RRM2: variants seen among roughly 807,000 people sequenced by gnomAD.
RRM2 encodes ribonucleoside-diphosphate reductase subunit M2.
RRM2 carries 6 observed loss-of-function variants against 45.9 expected under a neutral mutation model. The ratio of observed to expected loss-of-function variants is 0.13; its 90% CI spans 0.07 to 0.26. RRM2 has a LOEUF of 0.26. Ranked by LOEUF, RRM2 falls within the 10% of genes least tolerant of loss-of-function variation. The probability of loss-of-function intolerance (pLI) is 1.00; values close to 1 mark genes in which losing one functional copy is unlikely to be tolerated. For synonymous variants in RRM2, 177 were observed against 173.0 expected (o/e 1.02, Z -0.18); for missense variants, 343 against 489.5 (o/e 0.70, Z 2.82).
rs757156856 is a variant in RRM2 at position 10,127,517 on chromosome 2, C to T, written c.798+297C>T. Reference sequence around the variant, plus strand: ...GTGACGGAATCTTGCTCTGTCGTTCCAGGCTGGAGTGCAATGGCGTGATCT... The same window carrying T: ...GTGACGGAATCTTGCTCTGTCGTTCTAGGCTGGAGTGCAATGGCGTGATCT... On this transcript the variant is annotated intron_variant, in intron 7 of 9. Transcript: ENST00000304567. The surrounding 1 kb of genome is among the most constrained non-coding windows in gnomAD (Gnocchi z 4.1). Among the ~76,000 whole-genome samples the T allele has an allele frequency of 2.1e-4, 32 of 152,188 alleles. No homozygotes were observed. The highest frequency in any genetic ancestry group is 4.6e-4 in the Non-Finnish European group (31 of 68,044).
intron 3 of RRM2, among the ~76,000 whole-genome samples, chr2:10,188,623 T>C (rs996369915): frequency 6.6e-6 from 1 of 151,986 alleles, no homozygotes; most frequent in Non-Finnish European, 1.5e-5. Context: ...TCCTTGGGCC[T>C]CTCAGCTCCT....
chr2:10,208,771 C>T (rs777196859), intron 3 of RRM2, among the ~76,000 whole-genome samples: 1 of 152,196 alleles, frequency 6.6e-6, no homozygotes, highest in South Asian at 2.1e-4. Context: ...CCAGCCATGG[C>T]CCCTCCTGAT....
Position 10,171,476 on chromosome 2 carries a change from G to A in RRM2, n.482+29101G>A, listed in dbSNP as rs1663804810. Among the ~76,000 whole-genome samples, 1 of 152,338 alleles carries A rather than the reference G, an allele frequency of 6.6e-6. No homozygotes were observed. Among genetic ancestry groups the A allele is most frequent in the South Asian group, 2.1e-4 (1 of 4,826 alleles). On this transcript the variant is annotated intron_variant and non_coding_transcript_variant, in intron 3 of 3. Transcript: ENST00000381786. This position sits in a 1 kb window ranked among gnomAD's most constrained non-coding sequence, Gnocchi z 4.1. ...CTTCATGTCAGCTGGTGACATTTCT[G>A]CAATTGTTCCTAAAGAGGGGCCTGT...
chr2:10,125,565 G>A (rs1662760933), intron 5 of RRM2, among the ~76,000 whole-genome samples: 1 of 152,198 alleles, frequency 6.6e-6, no homozygotes, highest in Non-Finnish European at 1.5e-5. Flanking sequence ...GTGGTGGCGG[G>A]CGCCTGTAGT....
At chr2:10,187,678 G>A (rs1332285505) in intron 3 of RRM2, among the ~76,000 whole-genome samples, 1 of 152,178 alleles carries the variant, frequency 6.6e-6, no homozygotes, top group Admixed American at 6.5e-5. Flanking sequence ...GTAAAACAGG[G>A]ATTGTGGTGC....
In RRM2 at chr2:10,171,112, A is replaced by G. The variant is rs537951975; in HGVS notation, n.482+28737A>G. On this transcript the variant is annotated intron_variant and non_coding_transcript_variant, in intron 3 of 3. Coordinates refer to the RRM2 transcript ENST00000381786. The surrounding 1 kb of genome is among the most constrained non-coding windows in gnomAD (Gnocchi z 4.1). ...ATCATTATAGGCTGCGCCACTCATT[A>G]TAGGCTGCGGGGCCTGCACAGACCC... Among the ~76,000 whole-genome samples, 2 of 152,012 alleles carry G rather than the reference A, an allele frequency of 1.3e-5. No homozygotes were observed. The highest frequency in any genetic ancestry group is 1.5e-5 in the Non-Finnish European group (1 of 67,920).
chr2:10,122,918 C>CGGGGAG, intron 1 of RRM2, 21 bp downstream of exon 1: 1 of 1,561,238 alleles, frequency 6.4e-7, no homozygotes, highest in Non-Finnish European at 8.7e-7. Flanking sequence ...GGGGAGGGCG[C>CGGGGAG]TGCGGGCAGG....
At chr2:10,209,375 A>G (rs1247849692) in intron 3 of RRM2, among the ~76,000 whole-genome samples, 2 of 152,060 alleles carry the variant, frequency 1.3e-5, no homozygotes, top group Non-Finnish European at 2.9e-5. Flanking sequence ...TAGTTTCTAT[A>G]GTACAAAGCC....
chr2:10,181,754 CTTTTTTTTTTTT>C (rs869117515), intron 3 of RRM2, among the ~76,000 whole-genome samples: 50 of 57,248 alleles, frequency 8.7e-4, no homozygotes, highest in Admixed American at 2.5e-3. Flanking sequence ...CTCTCTCTCT[CTTTTTTTTTTTT>C]TTTTTTTTTT....
downstream of RRM2, among the ~76,000 whole-genome samples, chr2:10,135,956 C>A (rs545181927): frequency 6.6e-6 from 1 of 152,122 alleles, no homozygotes; most frequent in Non-Finnish European, 1.5e-5. Context: ...TTCTCTTAGT[C>A]ATGTGTTTTT....
At chr2:10,150,771 G>GTTTTTTTTTTTTTTTTTTTT in intron 3 of RRM2, among the ~76,000 whole-genome samples, 1 of 92,874 alleles carries the variant, frequency 1.1e-5, no homozygotes, top group Non-Finnish European at 2.1e-5. Flanking sequence ...AGTGTGTTGT[G>GTTTTTTTTTTTTTTTTTTTT]TTTTTTTTTT....
chr2:10,192,051 G>A (rs1440464882), intron 3 of RRM2, among the ~76,000 whole-genome samples: 1 of 152,102 alleles, frequency 6.6e-6, no homozygotes, highest in Non-Finnish European at 1.5e-5. Context: ...TCACCCAGAG[G>A]TGGAGGGATG....
intron 3 of RRM2, chr2:10,155,533 G>A (rs1663405611): frequency 6.6e-6 from 1 of 152,490 alleles, no homozygotes; most frequent in African/African-American, 2.4e-5. Context: ...ACTATGAAAT[G>A]AGGGGTGGGG....
chr2:10,203,709 C>T (rs1664611677), intron 3 of RRM2, among the ~76,000 whole-genome samples: 1 of 152,078 alleles, frequency 6.6e-6, no homozygotes, highest in African/African-American at 2.4e-5. Context: ...AGAGATTGTG[C>T]CATCGCACTC....
At chr2:10,174,878 A>C (rs1244807259) in intron 3 of RRM2, among the ~76,000 whole-genome samples, 1 of 151,848 alleles carries the variant, frequency 6.6e-6, no homozygotes, top group African/African-American at 2.4e-5. Flanking sequence ...GTTAAAAAAA[A>C]AAAAAGAAAA....
At chr2:10,166,316 G>A (rs967360990) in intron 3 of RRM2, among the ~76,000 whole-genome samples, 1 of 152,196 alleles carries the variant, frequency 6.6e-6, no homozygotes, top group Non-Finnish European at 1.5e-5. Context: ...CAGGCCGGGG[G>A]CCCACAGCCC....
At chr2:10,168,129 C>T (rs187139743) in intron 3 of RRM2, among the ~76,000 whole-genome samples, 21 of 149,558 alleles carry the variant, frequency 1.4e-4, no homozygotes, top group African/African-American at 4.9e-4. Flanking sequence ...GTAGTTTTTC[C>T]TCCACTGATC....
chr2:10,185,495 A>C lies in RRM2; in HGVS notation n.483-24816A>C, dbSNP rs1328443598. Among the ~76,000 whole-genome samples the C allele has an allele frequency of 1.3e-5, 2 of 152,240 alleles. No individual in the cohort carries two copies. Among genetic ancestry groups the C allele is most frequent in the African/African-American group, 2.4e-5 (1 of 41,470 alleles). On this transcript the variant is annotated intron_variant and non_coding_transcript_variant, in intron 3 of 3. Coordinates refer to the RRM2 transcript ENST00000381786. The surrounding 1 kb of genome is among the most constrained non-coding windows in gnomAD (Gnocchi z 4.3). ...CCCAGCGTGCGACATCAGTGTCAAC[A>C]GAGGTCCATATGTGGCCAGTCTTGT...
chr2:10,180,852 T>C (rs6726684), intron 3 of RRM2, among the ~76,000 whole-genome samples: 124,209 of 151,810 alleles, frequency 0.82, 51,487 homozygotes, highest in East Asian at 1. Context: ...CTGCAACCTC[T>C]GCCTCCCAGG....
Sources: gnomAD v4.1 joint callset for allele counts (sites outside exome capture counted in the v4.1 genomes callset) on GRCh38, gnomAD v4.1.1 for gene constraint, Gnocchi (gnomAD v3.1) non-coding constraint, MANE v1.5 for transcripts, NCBI Gene and HGNC (gene_info 2026-07-23, HGNC 2026-07-21) for gene names.